Variants in CD300A observed in about 807,000 individuals in gnomAD.
The protein encoded by CD300A is CD300a molecule.
Under a neutral mutation model 33.6 loss-of-function variants are expected in CD300A, and 22 were observed. The ratio of observed to expected loss-of-function variants is 0.66; its 90% CI spans 0.47 to 0.94. CD300A has a LOEUF of 0.94. Ranked by LOEUF, CD300A falls within the 40% of genes least tolerant of loss-of-function variation. The pLI, the probability that CD300A is intolerant of heterozygous loss-of-function variation, is 0.00. For missense variants in CD300A, 326 were observed against 360.5 expected (o/e 0.90, Z 0.77); for synonymous variants, 136 against 148.1 (o/e 0.92, Z 0.59).
At chr17:74,469,860 C>T (rs1038065864) in intron 1 of CD300A, 1 of 631,958 alleles carries the variant, frequency 1.6e-6, no homozygotes, top group African/African-American at 2.0e-5. Context: ...TCATTTACCC[C>T]TTACAAAAAA....
chr17:74,473,493 G>T (rs1159154463), intron 1 of CD300A, 43 bp from the exon 2 acceptor site: 18 of 1,572,576 alleles, frequency 1.1e-5, no homozygotes, highest in Non-Finnish European at 1.4e-5. Context: ...CCCTGACCAG[G>T]CTCATCTGAG....
chr17:74,476,885 G>C (rs1007526271), intron 3 of CD300A, among the ~76,000 whole-genome samples: 1 of 152,166 alleles, frequency 6.6e-6, no homozygotes, highest in Non-Finnish European at 1.5e-5. Flanking sequence ...CCTCCTTTGT[G>C]TGAAAGAGAA....
chr17:74,482,397 C>A (rs1906919303), intron 6 of CD300A, among the ~76,000 whole-genome samples: 1 of 151,718 alleles, frequency 6.6e-6, no homozygotes, highest in African/African-American at 2.4e-5. Flanking sequence ...GCTGAAGAGG[C>A]CCCTCAGACA....
intron 6 of CD300A, among the ~76,000 whole-genome samples, chr17:74,482,732 T>TTCCTTCCTTCC (rs1336360956): frequency 1.5e-5 from 2 of 133,042 alleles, no homozygotes; most frequent in African/African-American, 7.7e-5. Flanking sequence ...CTTTCTTTCT[T>TTCCTTCCTTCC]TGGAATCTCG....
intron 6 of CD300A, 56 bp from the exon 7 acceptor site, chr17:74,483,945 G>T (rs921032636): frequency 1.9e-5 from 30 of 1,596,952 alleles, no homozygotes; most frequent in South Asian, 3.4e-5. Flanking sequence ...CTATGTTGGG[G>T]GTCCTTTCTT....
upstream of CD300A, chr17:74,466,470 G>C (rs1184281428): frequency 1.7e-6 from 1 of 589,604 alleles, no homozygotes; most frequent in Non-Finnish European, 3.0e-6. Context: ...CGAAGAACCT[G>C]CAGCCTCAAC....
intron 2 of CD300A, 110 bp from the exon 3 acceptor site, chr17:74,474,422 G>T (rs1906328014): frequency 9.0e-7 from 1 of 1,113,436 alleles, no homozygotes; most frequent in Non-Finnish European, 1.3e-6. Flanking sequence ...CCTGCATCCT[G>T]CCCCCTTCCT....
chr17:74,471,800 C>T (rs1906117203), intron 1 of CD300A, among the ~76,000 whole-genome samples: 2 of 152,106 alleles, frequency 1.3e-5, no homozygotes, highest in African/African-American at 4.8e-5. Context: ...GGGTGTGGAG[C>T]TAGTGGGGTC....
chr17:74,466,502 G>T (rs894369171), upstream of CD300A: 2 of 620,160 alleles, frequency 3.2e-6, no homozygotes, highest in South Asian at 2.0e-5. Context: ...AGGACGTGCC[G>T]TTTCTAGGGA....
At chr17:74,471,361 C>A (rs1019501809) in intron 1 of CD300A, among the ~76,000 whole-genome samples, 60 of 152,128 alleles carry the variant, frequency 3.9e-4, no homozygotes, top group African/African-American at 1.3e-3. Flanking sequence ...TTTTTATTAG[C>A]TGGAGTCATG....
chr17:74,474,680 C>A lies in CD300A; in HGVS notation c.528C>A (p.Asn176Lys), dbSNP rs1906347138. ...SIQEETEEVV[N>K]SQLPLLLSLL... ...AGGAGGAAACTGAGGAGGTGGTGAACTCACAGTAAGCACCCTAGCCCCTGA... is the reference window on the plus strand; with the variant it reads ...AGGAGGAAACTGAGGAGGTGGTGAAATCACAGTAAGCACCCTAGCCCCTGA... The change falls in exon 3 of 7, where the codon AAC becomes AAA. Residue 176 changes from asparagine (N) to lysine (K), a missense_variant. Coordinates refer to ENST00000360141, the MANE Select transcript of CD300A (RefSeq NM_007261.4). 4 of 1,614,094 alleles carry A rather than the reference C, an allele frequency of 2.5e-6. No individual in the cohort carries two copies. The highest frequency in any genetic ancestry group is 1.1e-5 in the South Asian group (1 of 91,086).
chr17:74,484,096 T>C lies in CD300A; in HGVS notation c.870T>C (p.Asp290=). Residue 290 remains aspartate, a synonymous_variant, in exon 7 of 7, where the codon GAT becomes GAC. Transcript: ENST00000360141. Reference sequence around the variant, plus strand: ...AGAGGCCTCGGGAGGAGGAACCAGATTCAGATTACAGTGTGATAAGGAAGA... The same window carrying C: ...AGAGGCCTCGGGAGGAGGAACCAGACTCAGATTACAGTGTGATAAGGAAGA... ...AAQRPREEEP[D]SDYSVIRKT is the part of the protein sequence containing the mutation. 2.5e-6 allele frequency: 4 copies of C among 1,613,938 alleles called. No homozygotes were observed. The highest frequency in any genetic ancestry group is 3.4e-6 in the Non-Finnish European group (4 of 1,179,934).
Position 74,482,732 on chromosome 17 carries a change from T to TTCTTTCTTTCTTTCTC in CD300A, c.774+900_774+901insCTTTCTTTCTTTCTCT, listed in dbSNP as rs1336360956. ...TTTCTTTCTTTCTTTCTTTCTTTCT[T>TTCTTTCTTTCTTTCTC]TGGAATCTCGCTCTATCCCCCAGGC... On this transcript the variant is annotated intron_variant, in intron 6 of 6. Transcript: ENST00000360141. Among the ~76,000 whole-genome samples, 42 of 133,004 alleles carry TTCTTTCTTTCTTTCTC rather than the reference T, an allele frequency of 3.2e-4. 1 individual carries two copies. The highest frequency in any genetic ancestry group is 3.5e-3 in the Middle Eastern group (1 of 284). The allele number at this position is 133,004 out of a possible 152,430, so 87.3% of individuals were successfully genotyped here. A position where few individuals can be genotyped will look rare whatever the true frequency, so the allele number is the denominator to read the frequency against.
intron 4 of CD300A, among the ~76,000 whole-genome samples, chr17:74,478,016 G>A (rs528204278): frequency 4.6e-5 from 7 of 152,216 alleles, no homozygotes; most frequent in Middle Eastern, 3.4e-3. Context: ...TGCCCTCCAC[G>A]ATCTGGCTCT....
intron 6 of CD300A, among the ~76,000 whole-genome samples, chr17:74,483,587 C>T (rs1907060172): frequency 6.6e-6 from 1 of 152,188 alleles, no homozygotes. Context: ...AAACTCCTGA[C>T]ATCAAGTGAT....
upstream of CD300A, chr17:74,466,552 C>T (rs1031107180): frequency 1.5e-5 from 13 of 856,954 alleles, no homozygotes; most frequent in Admixed American, 2.6e-5. Flanking sequence ...ATTTTCTGAC[C>T]GGCTCCAGGA....
At position 74,474,700 on chromosome 17, in the gene CD300A, C is replaced by G. The variant is rs7208061; in HGVS notation, c.533+15C>G. ...GTGAACTCACAGTAAGCACCCTAGC[C>G]CCTGAGACATGGAGGGGGCCCTGTG... is the stretch of plus-strand genomic sequence containing the variant. On this transcript the variant is annotated intron_variant, in intron 3 of 6. Coordinates refer to ENST00000360141, the MANE Select transcript of CD300A (RefSeq NM_007261.4). The G allele has an allele frequency of 1.2e-6, 2 of 1,613,384 alleles. No homozygotes were observed. The highest frequency in any genetic ancestry group is 1.7e-6 in the Non-Finnish European group (2 of 1,179,590).
At chr17:74,479,324 C>T (rs1906685030) in intron 4 of CD300A, among the ~76,000 whole-genome samples, 1 of 152,036 alleles carries the variant, frequency 6.6e-6, no homozygotes, top group African/African-American at 2.4e-5. Context: ...CCAGCCTCGA[C>T]CCCCCACTGC....
At position 74,469,755 on chromosome 17, in the gene CD300A, G is replaced by C. The variant is rs541435745; in HGVS notation, c.40+3012G>C. Among the ~76,000 whole-genome samples the C allele has an allele frequency of 3.2e-4, 48 of 152,242 alleles. No homozygotes were observed. In the South Asian group the frequency reaches 1.0e-2, roughly 32 times the overall value. On this transcript the variant is annotated intron_variant, in intron 1 of 6. Coordinates refer to ENST00000360141, the MANE Select transcript of CD300A (RefSeq NM_007261.4). ...CATGAGAGTCACTTGAACCCAGGAG[G>C]CGGAGGTTGCAGTGAGCCGAGATCA...
Sources: gnomAD v4.1 joint callset for allele counts (sites outside exome capture counted in the v4.1 genomes callset) on GRCh38, gnomAD v4.1.1 for gene constraint, MANE v1.5 for transcripts, NCBI Gene and HGNC (gene_info 2026-07-23, HGNC 2026-07-21) for gene names.